PDE4D: variants seen among roughly 807,000 people sequenced by gnomAD.
The protein encoded by PDE4D is phosphodiesterase 4D, also known as 3',5'-cyclic-AMP phosphodiesterase 4D.
PDE4D carries 24 observed loss-of-function variants against 87.4 expected under a neutral mutation model. That is an observed-to-expected ratio of 0.27 (90% confidence interval 0.20 to 0.39). PDE4D has a LOEUF of 0.39. Among genes scored for constraint, PDE4D ranks in the 10% least tolerant of loss-of-function variants. The pLI is 1.00. For missense variants in PDE4D, 714 were observed against 1,041.0 expected (o/e 0.69, Z 4.32); for synonymous variants, 384 against 383.2 (o/e 1.00, Z -0.02).
chr5:60,403,617 A>T (rs1357462579), intron 1 of PDE4D, among the ~76,000 whole-genome samples: 2 of 152,236 alleles, frequency 1.3e-5, no homozygotes, highest in Non-Finnish European at 2.9e-5. Context: ...TGAAGCAGGT[A>T]TCATGTCCCC....
chr5:59,316,531 A>G (rs1044037923), intron 1 of PDE4D, among the ~76,000 whole-genome samples: 1 of 152,196 alleles, frequency 6.6e-6, no homozygotes, highest in African/African-American at 2.4e-5. Context: ...GCTCAGAGTA[A>G]ATTTCCATCT....
At chr5:58,981,667 T>C (rs1360871648) in intron 11 of PDE4D, among the ~76,000 whole-genome samples, 1 of 152,160 alleles carries the variant, frequency 6.6e-6, no homozygotes, top group Admixed American at 6.6e-5. Context: ...GTATTTGTAA[T>C]TACCTTCTTT....
At chr5:59,756,810 CT>C (rs5868192) in intron 1 of PDE4D, among the ~76,000 whole-genome samples, 127 of 132,240 alleles carry the variant, frequency 9.6e-4, no homozygotes, top group South Asian at 8.0e-3. Flanking sequence ...GAGGTTCTTA[CT>C]TTTTTTTTTT....
intron 2 of PDE4D, among the ~76,000 whole-genome samples, chr5:60,102,352 G>A (rs1185920231): frequency 6.6e-6 from 1 of 151,996 alleles, no homozygotes; most frequent in Non-Finnish European, 1.5e-5. Flanking sequence ...TATGAATCCT[G>A]TCACTCGACC....
intron 1 of PDE4D, among the ~76,000 whole-genome samples, chr5:59,448,736 G>C (rs990126282): frequency 6.6e-6 from 1 of 152,106 alleles, no homozygotes. Context: ...GGACTCACAC[G>C]ATCCTCCCAT....
chr5:59,926,914 T>C lies in PDE4D; in HGVS notation c.272+61574A>G, dbSNP rs551662976. On this transcript the variant is annotated intron_variant, in intron 3 of 16. Transcript: ENST00000502484. ...CAGCAAAGAAAAGCCCAGGATCTGA[T>C]GGCCTCACTGCTGCATTTTACCAAA... Among the ~76,000 whole-genome samples, 9 of 152,308 alleles carry C rather than the reference T, an allele frequency of 5.9e-5. No individual in the cohort carries two copies. In the South Asian group the frequency reaches 1.9e-3, roughly 32 times the overall value.
At chr5:60,046,884 A>G (rs1769330422) in intron 2 of PDE4D, among the ~76,000 whole-genome samples, 2 of 152,328 alleles carry the variant, frequency 1.3e-5, no homozygotes, top group Middle Eastern at 3.4e-3. Context: ...GGCCTCATCA[A>G]ATGAGTTAGG....
At chr5:59,694,621 C>T (rs1751478182) in intron 1 of PDE4D, among the ~76,000 whole-genome samples, 1 of 152,130 alleles carries the variant, frequency 6.6e-6, no homozygotes, top group Admixed American at 6.6e-5. Flanking sequence ...TAAGAGACTC[C>T]TGATAGGGAA....
intron 1 of PDE4D, among the ~76,000 whole-genome samples, chr5:60,288,180 C>G (rs760565423): frequency 1.3e-5 from 2 of 152,190 alleles, no homozygotes; most frequent in African/African-American, 4.8e-5. Context: ...TTTTCCCCCT[C>G]AAATCTGCAA....
chr5:60,406,009 C>T (rs1468975926), intron 1 of PDE4D, among the ~76,000 whole-genome samples: 1 of 150,606 alleles, frequency 6.6e-6, no homozygotes, highest in Non-Finnish European at 1.5e-5. Flanking sequence ...TGCAATAGAT[C>T]ATCTTGCACT....
intron 1 of PDE4D, among the ~76,000 whole-genome samples, chr5:59,420,035 C>T (rs906971684): frequency 6.6e-6 from 1 of 152,164 alleles, no homozygotes; most frequent in African/African-American, 2.4e-5. Context: ...TCTGGAATTG[C>T]TCTATTGGAA....
intron 6 of PDE4D, among the ~76,000 whole-genome samples, chr5:59,011,805 G>A (rs1752868279): frequency 6.6e-6 from 1 of 152,110 alleles, no homozygotes. Context: ...TACAGAGAAT[G>A]CCACGAAGAT....
intron 1 of PDE4D, among the ~76,000 whole-genome samples, chr5:59,244,643 TATATATGTATAG>T (rs1421741057): frequency 1.4e-5 from 2 of 144,414 alleles, no homozygotes; most frequent in Non-Finnish European, 1.5e-5. Context: ...CATATATACA[TATATATGTATAG>T]ATATATGTAT....
intron 3 of PDE4D, among the ~76,000 whole-genome samples, chr5:59,983,596 A>G (rs1487029847): frequency 1.3e-5 from 2 of 152,214 alleles, no homozygotes; most frequent in Non-Finnish European, 2.9e-5. Context: ...CAATAAACAC[A>G]TCAAAAGGTA....
chr5:59,306,736 C>G (rs2153563299), intron 1 of PDE4D, among the ~76,000 whole-genome samples: 1 of 147,692 alleles, frequency 6.8e-6, no homozygotes. Flanking sequence ...AAGAACATTC[C>G]ATGCTCATGG....
rs377761323 is a variant in PDE4D at position 59,426,137 on chromosome 5, A to C, written c.456-210169T>G. Among the ~76,000 whole-genome samples the C allele has an allele frequency of 8.5e-5, 13 of 152,308 alleles. No individual in the cohort carries two copies. The East Asian group carries it at 2.1e-3, about 25-fold the overall frequency. ...ACACAGTGAGAAGGTGGCCATCTGC[A>C]AGACAACCAGAGTCCTAAGGAGAAG... On this transcript the variant is annotated intron_variant, in intron 1 of 14. Coordinates refer to ENST00000340635, the MANE Select transcript of PDE4D (RefSeq NM_001104631.2).
At chr5:59,501,382 A>G (rs1424339815) in intron 1 of PDE4D, among the ~76,000 whole-genome samples, 1 of 152,232 alleles carries the variant, frequency 6.6e-6, no homozygotes, top group Non-Finnish European at 1.5e-5. Flanking sequence ...TAGATATATT[A>G]AAGAACAGCT....
At chr5:59,854,795 A>C (rs1745183926) in intron 1 of PDE4D, among the ~76,000 whole-genome samples, 1 of 152,210 alleles carries the variant, frequency 6.6e-6, no homozygotes, top group East Asian at 1.9e-4. Context: ...TGAGTTATTA[A>C]CATTTATTCA....
chr5:59,127,752 C>A (rs1197637578), intron 5 of PDE4D, among the ~76,000 whole-genome samples: 1 of 151,944 alleles, frequency 6.6e-6, no homozygotes, highest in Non-Finnish European at 1.5e-5. Flanking sequence ...TCTTATCATG[C>A]CTAGTGCGAC....
Sources: allele counts gnomAD v4.1 joint callset (sites outside exome capture counted in the v4.1 genomes callset), GRCh38; gene constraint gnomAD v4.1.1; transcripts MANE v1.5; gene names NCBI Gene and HGNC (gene_info 2026-07-23, HGNC 2026-07-21).